QTRT1: variants seen among roughly 807,000 people sequenced by gnomAD.
QTRT1 encodes the protein queuine tRNA-ribosyltransferase catalytic subunit 1, also known as TGT, 43-KD subunit.
QTRT1 carries 41 observed loss-of-function variants against 44.0 expected under a neutral mutation model. The ratio of observed to expected loss-of-function variants is 0.93; its 90% CI spans 0.73 to 1.21. The LOEUF (loss-of-function observed/expected upper bound fraction) is 1.21. Ranked by LOEUF, QTRT1 falls within the 50% of genes most tolerant of loss-of-function variation. The pLI is 0.00. For missense variants in QTRT1, 542 were observed against 575.8 expected (o/e 0.94, Z 0.60); for synonymous variants, 226 against 237.1 (o/e 0.95, Z 0.43).
At chr19:10,702,313 C>G in intron 3 of QTRT1, 59 bp downstream of exon 3, 1 of 1,572,766 alleles carries the variant, frequency 6.4e-7, no homozygotes, top group African/African-American at 1.4e-5. Flanking sequence ...GAAGTTTACA[C>G]GGGGCCTGTT....
In QTRT1 at chr19:10,703,533, G is replaced by A. The variant is rs182468567; in HGVS notation, c.451+1279G>A. Among the ~76,000 whole-genome samples, 453 of 152,266 alleles carry A rather than the reference G, an allele frequency of 3.0e-3. 1 individual carries two copies. Among genetic ancestry groups the A allele is most frequent in the African/African-American group, 0.011 (439 of 41,568 alleles). ...CTTATAAGAAAAGAAGCCACGTGCT[G>A]GGTGCGGTGGCCACGCCTGTAATCC... is the stretch of plus-strand genomic sequence containing the variant. On this transcript the variant is annotated intron_variant, in intron 3 of 9. Coordinates refer to ENST00000250237, the MANE Select transcript of QTRT1 (RefSeq NM_031209.3).
chr19:10,712,538 T>C lies in QTRT1; in HGVS notation c.786-15T>C, dbSNP rs2068743496. On this transcript the variant is annotated splice_polypyrimidine_tract_variant and intron_variant, in intron 6 of 9. Coordinates refer to ENST00000250237, the MANE Select transcript of QTRT1 (RefSeq NM_031209.3). The surrounding 1 kb of genome is among the most constrained non-coding windows in gnomAD (Gnocchi z 5.6). ...TGAGGTTCTCTGCCCCCTCCCGTCA[T>C]GGCTGCAACCCCAGCTATGCCACTG... 5 of 1,610,404 alleles carry C rather than the reference T, an allele frequency of 3.1e-6. No homozygotes were observed. The highest frequency in any genetic ancestry group is 4.2e-6 in the Non-Finnish European group (5 of 1,176,938).
At chr19:10,707,454 C>A in intron 4 of QTRT1, 46 bp from the exon 5 acceptor site, 1 of 1,608,322 alleles carries the variant, frequency 6.2e-7, no homozygotes, top group East Asian at 2.2e-5. Flanking sequence ...TTGTCTCCTA[C>A]CCCCTCACCA....
Position 10,712,625 on chromosome 19 carries a change from A to G in QTRT1, c.858A>G (p.Thr286=). 6.3e-7 allele frequency: 1 copy of G among 1,598,236 alleles called. No individual in the cohort carries two copies. Among genetic ancestry groups the G allele is most frequent in the South Asian group, 1.1e-5 (1 of 90,846 alleles). ...DMFDCVFPTR[T]ARFGSALVPT... ...TCGACTGCGTCTTCCCCACACGGAC[A>G]GCGGTGAGGCTCTGGCAGAAGGAGG... Residue 286 remains threonine (T), a synonymous_variant, in exon 7 of 10, where the codon ACA becomes ACG. Coordinates refer to ENST00000250237, the MANE Select transcript of QTRT1 (RefSeq NM_031209.3). The surrounding 1 kb of genome is among the most constrained non-coding windows in gnomAD (Gnocchi z 5.6).
In QTRT1 at chr19:10,707,543, C is replaced by T. The variant is rs149820141; in HGVS notation, c.574C>T (p.Pro192Ser). Residue 192 changes from proline to serine, a missense_variant, in exon 5 of 10, where the codon CCG becomes TCG. Transcript: ENST00000250237. ...CCGGTGCATTGCAGCCCATCAGCGG[C>T]CGGACAAGCAGAACCTCTTCGCCAT... ...LDRCIAAHQR[P>S]DKQNLFAIIQ... The T allele has an allele frequency of 5.6e-6, 9 of 1,612,974 alleles. No individual in the cohort carries two copies. In the Admixed American group the frequency reaches 1.5e-4, roughly 27 times the overall value.
At chr19:10,705,791 C>T (rs1020908653) in intron 3 of QTRT1, among the ~76,000 whole-genome samples, 11 of 150,742 alleles carry the variant, frequency 7.3e-5, no homozygotes, top group African/African-American at 2.4e-4. Flanking sequence ...CTGCTTTGGC[C>T]TCCCAAAGTG....
At chr19:10,702,348 C>A in intron 3 of QTRT1, 94 bp downstream of exon 3, 1 of 1,391,132 alleles carries the variant, frequency 7.2e-7, no homozygotes, top group Non-Finnish European at 9.8e-7. Flanking sequence ...TGGCTTTGAG[C>A]AGGTCACTCC....
intron 5 of QTRT1, among the ~76,000 whole-genome samples, chr19:10,710,521 TGGCCA>T (rs1197099232): frequency 6.6e-6 from 1 of 152,112 alleles, no homozygotes; most frequent in African/African-American, 2.4e-5. Context: ...TTCACCATGT[TGGCCA>T]GGCTGGTCTC....
At chr19:10,706,491 G>C (rs2068714192) in intron 3 of QTRT1, among the ~76,000 whole-genome samples, 1 of 151,900 alleles carries the variant, frequency 6.6e-6, no homozygotes, top group African/African-American at 2.4e-5. Flanking sequence ...TCCTGCCTCA[G>C]CCTCTTGAGT....
chr19:10,707,607 G>T lies in QTRT1; in HGVS notation c.638G>T (p.Cys213Phe). Residue 213 changes from cysteine to phenylalanine, a missense_variant, in exon 5 of 10, where the codon TGC becomes TTC. Transcript: ENST00000250237. ...CTGGACGCAGATCTCCGGGCCACCTGCCTTGAAGGTAGAGCCATGCGCTGG... is the reference window on the plus strand; with the variant it reads ...CTGGACGCAGATCTCCGGGCCACCTTCCTTGAAGGTAGAGCCATGCGCTGG... Reference protein sequence around the residue: ...GGLDADLRATCLEEMTKRDVP... With the variant: ...GGLDADLRATFLEEMTKRDVP... 2 of 1,602,700 alleles carry T rather than the reference G, an allele frequency of 1.2e-6. No individual in the cohort carries two copies. The highest frequency in any genetic ancestry group is 1.7e-6 in the Non-Finnish European group (2 of 1,174,726).
In QTRT1 at chr19:10,713,048, A is replaced by G. The variant is rs369624989; in HGVS notation, c.1059+8A>G. ...CACAACATCGCCTACCAGGTGAGCC[A>G]GTGCCCGGGGCAAGGTGGGCGGGGG... On this transcript the variant is annotated splice_region_variant and intron_variant, in intron 9 of 9. Coordinates refer to ENST00000250237, the MANE Select transcript of QTRT1 (RefSeq NM_031209.3). This position sits in a 1 kb window ranked among gnomAD's most constrained non-coding sequence, Gnocchi z 4.3. 1.2e-4 allele frequency: 191 copies of G among 1,610,448 alleles called. No individual in the cohort carries two copies. Among genetic ancestry groups the G allele is most frequent in the Middle Eastern group, 4.9e-4 (3 of 6,084 alleles).
chr19:10,709,891 A>G (rs2068730928), intron 5 of QTRT1, among the ~76,000 whole-genome samples: 2 of 151,502 alleles, frequency 1.3e-5, no homozygotes, highest in Admixed American at 1.3e-4. Context: ...GGCACCTGTA[A>G]TCTTAGCTAC....
intron 4 of QTRT1, 52 bp downstream of exon 4, chr19:10,707,432 G>A: frequency 1.2e-6 from 2 of 1,610,838 alleles, no homozygotes; most frequent in Non-Finnish European, 1.7e-6. Flanking sequence ...GGGGATCCTG[G>A]TCCCTGTAGC....
In QTRT1 at chr19:10,707,491, C is replaced by G; in HGVS notation, c.531-9C>G. The G allele has an allele frequency of 6.2e-7, 1 of 1,610,796 alleles. No homozygotes were observed. The highest frequency in any genetic ancestry group is 8.5e-7 in the Non-Finnish European group (1 of 1,177,484). On this transcript the variant is annotated splice_polypyrimidine_tract_variant and intron_variant, in intron 4 of 9. Transcript: ENST00000250237. Reference sequence around the variant, plus strand: ...GCCCCTGGGGCTTGTGACTGGGGCCCTGTTGCAGGTCAATCCGCTGGCTGG... The same window carrying G: ...GCCCCTGGGGCTTGTGACTGGGGCCGTGTTGCAGGTCAATCCGCTGGCTGG...
chr19:10,709,583 C>T (rs536586726), intron 5 of QTRT1, among the ~76,000 whole-genome samples: 41 of 152,082 alleles, frequency 2.7e-4, no homozygotes, highest in Middle Eastern at 3.4e-3. Context: ...CGTGGTGGCT[C>T]GCGCCTGTAA....
At position 10,705,840 on chromosome 19, in the gene QTRT1, C is replaced by CTTTTTTTTTT. The variant is rs71164114; in HGVS notation, c.452-1441_452-1432dup. 2.7e-4 allele frequency among the ~76,000 whole-genome samples: 10 copies of CTTTTTTTTTT among 37,700 alleles called. 2 individuals carry two copies. The Admixed American group carries it at 3.2e-3, about 12-fold the overall frequency. The allele number at this position is 37,700 out of a possible 152,430, so 24.7% of individuals were successfully genotyped here. A position where few individuals can be genotyped will look rare whatever the true frequency, so the allele number is the denominator to read the frequency against. On this transcript the variant is annotated intron_variant, in intron 3 of 9. Transcript: ENST00000250237. ...CGCAAGCCACCAGGCCTGGCCTGTT[C>CTTTTTTTTTT]TTTTTTTTTTTTTTTTTTTTTTTTT...
rs145859208 is a variant in QTRT1, at chr19:10,710,048, G to T, written c.647-2113G>T. ...AAAAAGAAAATTAGCACGCAAGCAT[G>T]GGAGTGTGTGCCTGTGATCCTAGAT... On this transcript the variant is annotated intron_variant, in intron 5 of 9. Transcript: ENST00000250237. Among the ~76,000 whole-genome samples the T allele has an allele frequency of 3.7e-3, 569 of 152,080 alleles. 5 individuals are homozygous for T. Among genetic ancestry groups the T allele is most frequent in the African/African-American group, 0.013 (519 of 41,518 alleles).
At chr19:10,705,061 G>C (rs2068707052) in intron 3 of QTRT1, among the ~76,000 whole-genome samples, 1 of 150,454 alleles carries the variant, frequency 6.6e-6, no homozygotes, top group South Asian at 2.1e-4. Context: ...GACTACAGGT[G>C]CCTGCCACCA....
chr19:10,708,683 A>T (rs1401274877), intron 5 of QTRT1, among the ~76,000 whole-genome samples: 1 of 151,906 alleles, frequency 6.6e-6, no homozygotes, highest in Admixed American at 6.6e-5. Flanking sequence ...TCTGCATGTA[A>T]ACACCCTGTG....
Sources: allele counts gnomAD v4.1 joint callset (sites outside exome capture counted in the v4.1 genomes callset), GRCh38; gene constraint gnomAD v4.1.1; non-coding constraint Gnocchi (gnomAD v3.1); transcripts MANE v1.5; gene names NCBI Gene and HGNC (gene_info 2026-07-23, HGNC 2026-07-21).